BNC2: variants seen among roughly 807,000 people sequenced by gnomAD.
BNC2 encodes basonuclin zinc finger protein 2.
In BNC2, 20 loss-of-function variants were observed where a neutral mutation model predicts 76.3. That is an observed-to-expected ratio of 0.26 (90% CI 0.18 to 0.38). The LOEUF (loss-of-function observed/expected upper bound fraction) is 0.38. Ranked by LOEUF, BNC2 falls within the 10% of genes least tolerant of loss-of-function variation. The pLI is 1.00. For missense variants in BNC2, 1,382 were observed against 1,399.8 expected, an observed-to-expected ratio of 0.99 and a Z score of 0.20; for synonymous variants, 582 against 514.8, an observed-to-expected ratio of 1.13 and a Z score of -1.77.
At position 16,604,227 on chromosome 9, in the gene BNC2, C is replaced by T. The variant is rs548503851; in HGVS notation, c.331-21142G>A. 4.0e-5 allele frequency among the ~76,000 whole-genome samples: 6 copies of T among 151,880 alleles called. No individual in the cohort carries two copies. In the South Asian group the frequency reaches 1.2e-3, roughly 32 times the overall value. On this transcript the variant is annotated intron_variant, in intron 3 of 6. Transcript: ENST00000380672. ...GACCCATCTTAATTAGAACCTCTTTCTCTCTCTCTCTGTAAGAGAGATTTT... is the reference window on the plus strand; with the variant it reads ...GACCCATCTTAATTAGAACCTCTTTTTCTCTCTCTCTGTAAGAGAGATTTT...
chr9:16,650,225 C>A (rs977152639), intron 3 of BNC2, among the ~76,000 whole-genome samples: 2 of 152,136 alleles, frequency 1.3e-5, no homozygotes, highest in African/African-American at 4.8e-5. Context: ...TATTCTTAAA[C>A]GGAATTTTAC....
chr9:16,785,279 T>C (rs945768299), intron 1 of BNC2, among the ~76,000 whole-genome samples: 2 of 152,184 alleles, frequency 1.3e-5, no homozygotes, highest in Admixed American at 1.3e-4. Context: ...TCCTGTTTAA[T>C]AGTGTGGATG....
intron 3 of BNC2, among the ~76,000 whole-genome samples, chr9:16,667,738 GA>G (rs1822343545): frequency 6.6e-6 from 1 of 152,066 alleles, no homozygotes. Context: ...TTTATATACA[GA>G]AAAAAATATA....
At chr9:16,520,227 C>T (rs936253996) in intron 5 of BNC2, among the ~76,000 whole-genome samples, 1 of 152,114 alleles carries the variant, frequency 6.6e-6, no homozygotes, top group African/African-American at 2.4e-5. Flanking sequence ...AACACCAACC[C>T]GACACTTGGG....
intron 3 of BNC2, among the ~76,000 whole-genome samples, chr9:16,723,916 G>A (rs530097601): frequency 6.6e-6 from 1 of 152,080 alleles, no homozygotes; most frequent in South Asian, 2.1e-4. Context: ...GTTAAATAAA[G>A]CAACTGTAAG....
chr9:16,629,681 A>G (rs1821104157), intron 3 of BNC2, among the ~76,000 whole-genome samples: 1 of 152,184 alleles, frequency 6.6e-6, no homozygotes, highest in Non-Finnish European at 1.5e-5. Flanking sequence ...TTGGTTTCCC[A>G]GTGCATATAA....
chr9:16,427,619 A>G (rs1298136362), intron 6 of BNC2, among the ~76,000 whole-genome samples: 1 of 152,254 alleles, frequency 6.6e-6, no homozygotes, highest in Non-Finnish European at 1.5e-5. Flanking sequence ...TTATGAGCAC[A>G]TTGCAGTGCC....
At chr9:16,639,716 A>G (rs1821433469) in intron 3 of BNC2, among the ~76,000 whole-genome samples, 1 of 152,150 alleles carries the variant, frequency 6.6e-6, no homozygotes. Flanking sequence ...CAAGAGTTTC[A>G]GACCAGCCTC....
intron 1 of BNC2, among the ~76,000 whole-genome samples, chr9:16,837,009 T>C (rs1295782690): frequency 6.6e-6 from 1 of 152,138 alleles, no homozygotes; most frequent in Non-Finnish European, 1.5e-5. Context: ...ATTTACCACA[T>C]CATAAATTCT....
chr9:16,595,542 C>T (rs1051870784), intron 3 of BNC2, among the ~76,000 whole-genome samples: 1 of 152,042 alleles, frequency 6.6e-6, no homozygotes, highest in African/African-American at 2.4e-5. Context: ...TCAGGTAATA[C>T]ATTTTTAAAA....
chr9:16,823,288 G>A lies in BNC2; in HGVS notation c.3+47358C>T, dbSNP rs193240697. 1.7e-3 allele frequency among the ~76,000 whole-genome samples: 255 copies of A among 152,096 alleles called. 2 individuals are homozygous for A. The highest frequency in any genetic ancestry group is 5.9e-3 in the African/African-American group (245 of 41,518). On this transcript the variant is annotated intron_variant, in intron 1 of 6. Coordinates refer to ENST00000380672, the MANE Select transcript of BNC2 (RefSeq NM_017637.6). The stretch of plus-strand genomic sequence containing the variant: ...TAGGTCAAACATTATATATAAAATA[G>A]TTCTATAGTGACATGTAAGAATTAC...
intron 5 of BNC2, among the ~76,000 whole-genome samples, chr9:16,447,242 T>C (rs983445538): frequency 1.3e-4 from 20 of 152,128 alleles, no homozygotes; most frequent in Non-Finnish European, 7.4e-5. Flanking sequence ...TCTAGCCCTA[T>C]ACCTTTAGGC....
chr9:16,683,280 G>GC (rs1822878945), intron 3 of BNC2, among the ~76,000 whole-genome samples: 2 of 152,304 alleles, frequency 1.3e-5, no homozygotes, highest in Admixed American at 1.3e-4. Flanking sequence ...AAGGCAAAGA[G>GC]CAGAAAGGGG....
intron 1 of BNC2, among the ~76,000 whole-genome samples, chr9:16,770,430 A>T (rs1825803439): frequency 6.6e-6 from 1 of 152,216 alleles, no homozygotes; most frequent in South Asian, 2.1e-4. Flanking sequence ...CGACATCTCT[A>T]AATTAACTTG....
At position 16,843,464 on chromosome 9, in the gene BNC2, G is replaced by C. The variant is rs570718318; in HGVS notation, c.3+27182C>G. ...CCTCCACTGCCTCAGCCTCAGAGTA[G>C]CTGGGATTACAGGTGCACACTACCA... On this transcript the variant is annotated intron_variant, in intron 1 of 6. Coordinates refer to ENST00000380672, the MANE Select transcript of BNC2 (RefSeq NM_017637.6). 5.9e-5 allele frequency among the ~76,000 whole-genome samples: 9 copies of C among 152,322 alleles called. No individual in the cohort carries two copies. In the East Asian group the frequency reaches 1.2e-3, roughly 20 times the overall value.
At chr9:16,595,706 C>T (rs983106007) in intron 3 of BNC2, among the ~76,000 whole-genome samples, 2 of 151,980 alleles carry the variant, frequency 1.3e-5, no homozygotes, top group Non-Finnish European at 2.9e-5. Flanking sequence ...AAAAATTATT[C>T]TCTTTTTTCT....
intron 4 of BNC2, among the ~76,000 whole-genome samples, chr9:16,555,185 ATT>A (rs910433721): frequency 7.6e-5 from 11 of 144,612 alleles, no homozygotes. Flanking sequence ...CGCCTGACTA[ATT>A]TTTTTTTTTG....
intron 5 of BNC2, among the ~76,000 whole-genome samples, chr9:16,447,928 G>A (rs1821261376): frequency 6.6e-6 from 1 of 152,066 alleles, no homozygotes; most frequent in South Asian, 2.1e-4. Context: ...TCTTCATATG[G>A]AGATGATAAC....
intron 3 of BNC2, among the ~76,000 whole-genome samples, chr9:16,666,831 C>A (rs1376730118): frequency 6.6e-6 from 1 of 152,124 alleles, no homozygotes; most frequent in Non-Finnish European, 1.5e-5. Flanking sequence ...TGAGGAAGTG[C>A]TAATTCACTT....
Sources: gnomAD v4.1 joint callset for allele counts (sites outside exome capture counted in the v4.1 genomes callset) on GRCh38, gnomAD v4.1.1 for gene constraint, MANE v1.5 for transcripts, NCBI Gene and HGNC (gene_info 2026-07-23, HGNC 2026-07-21) for gene names.